USP15: variants seen among roughly 807,000 people sequenced by gnomAD.
USP15 encodes the protein ubiquitin specific peptidase 15.
In USP15, 18 loss-of-function variants were observed where a neutral mutation model predicts 127.1. The observed-to-expected ratio is 0.14, with a 90% CI of 0.10 to 0.21. USP15 has a LOEUF of 0.21. Among genes scored for constraint, USP15 ranks in the 10% least tolerant of loss-of-function variants. The probability of loss-of-function intolerance (pLI) is 1.00; values close to 1 mark genes in which losing one functional copy is unlikely to be tolerated. For missense variants in USP15, 805 were observed against 1,159.9 expected (o/e 0.69, Z 4.44); for synonymous variants, 364 against 393.7 (o/e 0.92, Z 0.89).
intron 3 of USP15, among the ~76,000 whole-genome samples, chr12:62,304,233 T>C (rs2137203213): frequency 6.6e-6 from 1 of 152,214 alleles, no homozygotes; most frequent in Admixed American, 6.5e-5. Context: ...CAAAGTAAAA[T>C]ATAATCAAAA....
intron 7 of USP15, among the ~76,000 whole-genome samples, chr12:62,352,952 G>A (rs2066005158): frequency 1.3e-5 from 2 of 151,858 alleles, no homozygotes; most frequent in Admixed American, 1.3e-4. Flanking sequence ...AAGTAGCATA[G>A]CCTTAAAAGA....
intron 1 of USP15, among the ~76,000 whole-genome samples, chr12:62,281,243 G>A (rs146711431): frequency 6.6e-5 from 10 of 152,214 alleles, no homozygotes; most frequent in African/African-American, 1.7e-4. Context: ...ACCTTTCTTA[G>A]TCTTCTTTCT....
intron 11 of USP15, among the ~76,000 whole-genome samples, chr12:62,388,117 AT>A (rs58192089): frequency 0.018 from 1,895 of 106,526 alleles, 12 homozygotes; most frequent in African/African-American, 0.034. Context: ...AATGGTGAAG[AT>A]TTTTTTTTTT....
intron 8 of USP15, among the ~76,000 whole-genome samples, chr12:62,363,524 A>G (rs1157573604): frequency 6.6e-6 from 1 of 152,148 alleles, no homozygotes; most frequent in Non-Finnish European, 1.5e-5. Context: ...GGTCGCTATT[A>G]TCTATCAGTG....
At chr12:62,269,792 A>G (rs553498296) in intron 1 of USP15, among the ~76,000 whole-genome samples, 24 of 152,262 alleles carry the variant, frequency 1.6e-4, no homozygotes, top group Non-Finnish European at 2.8e-4. Flanking sequence ...GTATAGATAT[A>G]ACACATTTGA....
In USP15 at chr12:62,307,605, A is replaced by G. The variant is rs150130092; in HGVS notation, c.348+4685A>G. Among the ~76,000 whole-genome samples the G allele has an allele frequency of 4.6e-4, 70 of 152,288 alleles. No individual in the cohort carries two copies. The East Asian group carries it at 0.01, about 22-fold the overall frequency. ...CTTTCCGCGATTTCAGTTACCTGCAAGCAACCATGGTCCAAAAATATTAAG... is the reference window on the plus strand; with the variant it reads ...CTTTCCGCGATTTCAGTTACCTGCAGGCAACCATGGTCCAAAAATATTAAG... On this transcript the variant is annotated intron_variant, in intron 3 of 21. Transcript: ENST00000280377.
chr12:62,364,785 C>A (rs950602982), intron 8 of USP15, among the ~76,000 whole-genome samples: 1 of 152,000 alleles, frequency 6.6e-6, no homozygotes, highest in Middle Eastern at 3.4e-3. Context: ...TTTTTCAACT[C>A]CCACTTATGA....
chr12:62,351,240 G>T (rs1337983003), intron 7 of USP15, among the ~76,000 whole-genome samples: 1 of 151,422 alleles, frequency 6.6e-6, no homozygotes, highest in Non-Finnish European at 1.5e-5. Flanking sequence ...TGAATATTCA[G>T]AATTACACTG....
In USP15 at chr12:62,415,492, T is replaced by C. The variant is rs1339561323; in HGVS notation, c.*11117T>C. ...TTAAATAAACCATCACATCCCTTCA[T>C]GTAGAAAAGAGTGGTTTGGACCATA... On this transcript the variant is annotated 3_prime_UTR_variant, in exon 22 of 22. Coordinates refer to ENST00000280377, the MANE Select transcript of USP15 (RefSeq NM_001252078.2). 6.6e-6 allele frequency: 1 copy of C among 152,188 alleles called. No homozygotes were observed. Among genetic ancestry groups the C allele is most frequent in the East Asian group, 1.9e-4 (1 of 5,196 alleles). The allele number at this position is 152,188 out of a possible 1,614,324, so 9.4% of individuals were successfully genotyped here.
intron 8 of USP15, among the ~76,000 whole-genome samples, chr12:62,358,736 A>G (rs1375702530): frequency 2.0e-5 from 3 of 152,118 alleles, no homozygotes; most frequent in African/African-American, 7.2e-5. Context: ...TAAATAAATG[A>G]CAATTTAAAA....
intron 8 of USP15, among the ~76,000 whole-genome samples, chr12:62,373,057 GTCT>G (rs2066724244): frequency 6.6e-6 from 1 of 151,934 alleles, no homozygotes; most frequent in Admixed American, 6.6e-5. Flanking sequence ...ACTTGTCCTA[GTCT>G]TCTAGCCTTT....
chr12:62,368,092 GT>G, intron 8 of USP15, among the ~76,000 whole-genome samples: 1 of 152,294 alleles, frequency 6.6e-6, no homozygotes, highest in South Asian at 2.1e-4. Flanking sequence ...GGAGCAGGTT[GT>G]TCAGTTTCCA....
chr12:62,351,716 T>A (rs747873385), intron 7 of USP15, among the ~76,000 whole-genome samples: 3 of 152,144 alleles, frequency 2.0e-5, no homozygotes, highest in Non-Finnish European at 4.4e-5. Flanking sequence ...CTATTTATAT[T>A]TTTTTAATTC....
chr12:62,299,108 C>T (rs1040558300), intron 2 of USP15, among the ~76,000 whole-genome samples: 13 of 151,996 alleles, frequency 8.6e-5, no homozygotes, highest in African/African-American at 3.1e-4. Flanking sequence ...TGGAATCATA[C>T]AATATGTGTG....
At chr12:62,345,556 A>G (rs979660548) in intron 6 of USP15, among the ~76,000 whole-genome samples, 9 of 151,710 alleles carry the variant, frequency 5.9e-5, no homozygotes, top group Admixed American at 1.3e-4. Flanking sequence ...AACTGTTCCA[A>G]CCTCTCTGCC....
intron 8 of USP15, among the ~76,000 whole-genome samples, chr12:62,376,340 A>G (rs1310138184): frequency 6.6e-6 from 1 of 152,062 alleles, no homozygotes; most frequent in Admixed American, 6.6e-5. Context: ...CTATTGCTTT[A>G]TTTTTAACAT....
chr12:62,380,797 T>C (rs1022514439), intron 8 of USP15, among the ~76,000 whole-genome samples: 2 of 152,110 alleles, frequency 1.3e-5, no homozygotes, highest in Non-Finnish European at 2.9e-5. Flanking sequence ...GTCTGCCATG[T>C]TTTATTTTAA....
chr12:62,284,709 G>A (rs2063741720), intron 1 of USP15, among the ~76,000 whole-genome samples: 1 of 151,920 alleles, frequency 6.6e-6, no homozygotes, highest in Admixed American at 6.6e-5. Context: ...GATTGAACCT[G>A]GTTAAATGTG....
rs1419011175 is a variant in USP15 at position 62,412,933 on chromosome 12, T to C, written c.*8558T>C. On this transcript the variant is annotated 3_prime_UTR_variant, in exon 22 of 22. Coordinates refer to ENST00000280377, the MANE Select transcript of USP15 (RefSeq NM_001252078.2). ...AATCCTTTTCAGAAGGTTTTTATTT[T>C]GCCCAGATCCATCAGAGGAATCACT... 6.6e-6 allele frequency: 1 copy of C among 152,248 alleles called. No homozygotes were observed. Among genetic ancestry groups the C allele is most frequent in the Non-Finnish European group, 1.5e-5 (1 of 68,042 alleles). The allele number at this position is 152,248 out of a possible 1,614,324, so 9.4% of individuals were successfully genotyped here.
Sources: allele counts gnomAD v4.1 joint callset (sites outside exome capture counted in the v4.1 genomes callset), GRCh38; gene constraint gnomAD v4.1.1; transcripts MANE v1.5; gene names NCBI Gene and HGNC (gene_info 2026-07-23, HGNC 2026-07-21).